The following RIMS1 variants were observed in gnomAD, a reference collection of about 807,000 sequenced individuals.
RIMS1 encodes the protein regulating synaptic membrane exocytosis protein 1.
RIMS1 carries 83 observed loss-of-function variants against 214.1 expected under a neutral mutation model. That is an observed-to-expected ratio of 0.39 (90% CI 0.32 to 0.47). RIMS1 has a LOEUF of 0.47. Ranked by LOEUF, RIMS1 falls within the 20% of genes least tolerant of loss-of-function variation. RIMS1 has a pLI of 0.99. For synonymous variants in RIMS1, 793 were observed against 786.8 expected, an observed-to-expected ratio of 1.01 and a Z score of -0.13; for missense variants, 2,050 against 2,161.8, an observed-to-expected ratio of 0.95 and a Z score of 1.03.
At chr6:72,047,814 G>T (rs1823477300) in intron 2 of RIMS1, among the ~76,000 whole-genome samples, 1 of 152,158 alleles carries the variant, frequency 6.6e-6, no homozygotes, top group South Asian at 2.1e-4. Flanking sequence ...TATTCTCTTT[G>T]TGTGGTTTGT....
At chr6:72,380,800 G>A (rs2098473772) in intron 29 of RIMS1, among the ~76,000 whole-genome samples, 1 of 152,014 alleles carries the variant, frequency 6.6e-6, no homozygotes, top group South Asian at 2.1e-4. Flanking sequence ...CCAAAGTGCT[G>A]GGATTACAGG....
intron 4 of RIMS1, among the ~76,000 whole-genome samples, chr6:72,161,106 T>C (rs2045336402): frequency 7.1e-6 from 1 of 140,318 alleles, no homozygotes; most frequent in African/African-American, 2.5e-5. Context: ...CTTCCTGGTT[T>C]AGTTTTAGGA....
chr6:71,954,871 CCACACA>C (rs113212281), intron 1 of RIMS1, among the ~76,000 whole-genome samples: 2 of 147,308 alleles, frequency 1.4e-5, no homozygotes, highest in Non-Finnish European at 3.0e-5. Flanking sequence ...CACACACACT[CCACACA>C]CACACACACA....
intron 1 of RIMS1, among the ~76,000 whole-genome samples, chr6:71,904,801 C>A (rs75472991): frequency 0.011 from 1,618 of 152,166 alleles, 14 homozygotes; most frequent in South Asian, 0.026. Context: ...TGGGGATTTA[C>A]AACATCATCC....
intron 2 of RIMS1, among the ~76,000 whole-genome samples, chr6:72,029,782 C>A (rs897224109): frequency 6.6e-6 from 1 of 151,982 alleles, no homozygotes; most frequent in Admixed American, 6.6e-5. Flanking sequence ...TTATTATCTC[C>A]AAAATTAAGA....
intron 28 of RIMS1, among the ~76,000 whole-genome samples, chr6:72,324,695 A>G (rs758949835): frequency 3.9e-5 from 6 of 151,922 alleles, no homozygotes; most frequent in African/African-American, 4.8e-5. Flanking sequence ...AAGTTTTTCA[A>G]TTCAGATCAC....
intron 2 of RIMS1, among the ~76,000 whole-genome samples, chr6:71,978,935 C>T (rs1045176816): frequency 2.0e-5 from 3 of 152,074 alleles, no homozygotes; most frequent in African/African-American, 7.2e-5. Flanking sequence ...ATTTCCAATT[C>T]ATAGTTATAA....
At chr6:72,308,618 T>C (rs752945614) in intron 27 of RIMS1, among the ~76,000 whole-genome samples, 1 of 152,134 alleles carries the variant, frequency 6.6e-6, no homozygotes, top group South Asian at 2.1e-4. Flanking sequence ...ATACGATTTA[T>C]CACCAAGACT....
chr6:72,097,468 A>T (rs1242478224), intron 3 of RIMS1, among the ~76,000 whole-genome samples: 2 of 152,238 alleles, frequency 1.3e-5, no homozygotes, highest in Non-Finnish European at 2.9e-5. Flanking sequence ...TATTATCATA[A>T]ATTATAAAAC....
intron 6 of RIMS1, among the ~76,000 whole-genome samples, chr6:72,196,414 TCTATCTAA>T (rs768870482): frequency 7.4e-6 from 1 of 135,362 alleles, no homozygotes; most frequent in South Asian, 2.4e-4. Context: ...TATCTATCTA[TCTATCTAA>T]CTGGGGACTT....
At position 71,931,366 on chromosome 6, in the gene RIMS1, T is replaced by C. The variant is rs539221238; in HGVS notation, c.165-37617T>C. Among the ~76,000 whole-genome samples the C allele has an allele frequency of 5.7e-4, 86 of 152,072 alleles. 1 individual carries two copies. The highest frequency in any genetic ancestry group is 1.8e-3 in the African/African-American group (76 of 41,534). On this transcript the variant is annotated intron_variant, in intron 1 of 33. Transcript: ENST00000521978. ...TATTTTCAGTGAGTAAGCTCTACCA[T>C]GTATAGAGGAATTTAAAAATAGCCA... is the stretch of plus-strand genomic sequence containing the variant.
chr6:71,945,788 C>T (rs1383431008), intron 1 of RIMS1, among the ~76,000 whole-genome samples: 1 of 144,374 alleles, frequency 6.9e-6, no homozygotes, highest in African/African-American at 2.6e-5. Context: ...TCACTCTTGT[C>T]GCCCAGGCTG....
chr6:72,399,552 G>A (rs983652380), intron 33 of RIMS1, among the ~76,000 whole-genome samples: 1 of 152,154 alleles, frequency 6.6e-6, no homozygotes, highest in Non-Finnish European at 1.5e-5. Context: ...GAAAAGAGAA[G>A]TGTGCAGACA....
chr6:71,930,899 T>C (rs1782833031), intron 1 of RIMS1, among the ~76,000 whole-genome samples: 2 of 152,016 alleles, frequency 1.3e-5, no homozygotes, highest in Non-Finnish European at 2.9e-5. Flanking sequence ...AAGACCAGCA[T>C]CTACTCAATA....
intron 1 of RIMS1, among the ~76,000 whole-genome samples, chr6:71,921,744 T>TA (rs1047816199): frequency 6.6e-6 from 1 of 151,998 alleles, no homozygotes; most frequent in African/African-American, 2.4e-5. Context: ...ACCATAAGTG[T>TA]AAAAAAAAGT....
intron 4 of RIMS1, among the ~76,000 whole-genome samples, chr6:72,123,658 G>T (rs2038895130): frequency 6.6e-6 from 1 of 151,830 alleles, no homozygotes; most frequent in South Asian, 2.1e-4. Flanking sequence ...GGGTGCTCCT[G>T]TATTGGGTGC....
intron 4 of RIMS1, among the ~76,000 whole-genome samples, chr6:72,161,645 C>T (rs4320320): frequency 7.2e-6 from 1 of 138,144 alleles, no homozygotes; most frequent in Non-Finnish European, 1.6e-5. Flanking sequence ...TTCGTTATGT[C>T]CCCAGTAGTC....
chr6:71,992,338 T>G (rs1261034924), intron 2 of RIMS1, among the ~76,000 whole-genome samples: 2 of 152,144 alleles, frequency 1.3e-5, no homozygotes, highest in Non-Finnish European at 2.9e-5. Flanking sequence ...CCAAGGCCTA[T>G]CTGGAGAATA....
chr6:71,891,969 G>A (rs1048251049), intron 1 of RIMS1, among the ~76,000 whole-genome samples: 28 of 152,120 alleles, frequency 1.8e-4, no homozygotes, highest in African/African-American at 6.5e-4. Flanking sequence ...CAGTACCATG[G>A]CTTATAAAGT....
Sources: gnomAD v4.1 joint callset for allele counts (sites outside exome capture counted in the v4.1 genomes callset) on GRCh38, gnomAD v4.1.1 for gene constraint, MANE v1.5 for transcripts, NCBI Gene and HGNC (gene_info 2026-07-23, HGNC 2026-07-21) for gene names.